The following PCDH7 variants were observed in gnomAD, a reference collection of about 807,000 sequenced individuals.
The protein encoded by PCDH7 is protocadherin 7.
In PCDH7, 17 loss-of-function variants were observed where a neutral mutation model predicts 58.9. The ratio of observed to expected loss-of-function variants is 0.29; its 90% confidence interval spans 0.20 to 0.43. PCDH7 has a LOEUF of 0.43. PCDH7 is among the 20% of genes least tolerant of loss of function. The probability of loss-of-function intolerance (pLI) is 1.00; values close to 1 mark genes in which losing one functional copy is unlikely to be tolerated. For missense variants in PCDH7, 1,274 were observed against 1,441.0 expected, an observed-to-expected ratio of 0.88 and a Z score of 1.88; for synonymous variants, 664 against 616.4, an observed-to-expected ratio of 1.08 and a Z score of -1.14.
At chr4:31,138,665 T>C (rs1719900163) in intron 3 of PCDH7, among the ~76,000 whole-genome samples, 1 of 152,192 alleles carries the variant, frequency 6.6e-6, no homozygotes, top group Non-Finnish European at 1.5e-5. Context: ...TCATGTGTTA[T>C]GAATTGTTCT....
chr4:31,025,565 T>A (rs1421780440), intron 3 of PCDH7, among the ~76,000 whole-genome samples: 1 of 152,236 alleles, frequency 6.6e-6, no homozygotes, highest in African/African-American at 2.4e-5. Context: ...ATTTTCTAAT[T>A]ATCATAGGTA....
intron 3 of PCDH7, among the ~76,000 whole-genome samples, chr4:31,097,638 A>ATATATATATC (rs370034723): frequency 6.3e-5 from 5 of 79,246 alleles, no homozygotes; most frequent in Admixed American, 1.3e-4. Flanking sequence ...ATATATATAT[A>ATATATATATC]AATCTTTTTT....
chr4:30,779,114 G>A (rs573846465), intron 1 of PCDH7, among the ~76,000 whole-genome samples: 3 of 143,954 alleles, frequency 2.1e-5, no homozygotes, highest in African/African-American at 5.2e-5. Flanking sequence ...TTTGCCTCCC[G>A]GGTTGAAGCG....
chr4:31,122,535 G>A (rs190846283), intron 3 of PCDH7, among the ~76,000 whole-genome samples: 1 of 151,888 alleles, frequency 6.6e-6, no homozygotes, highest in African/African-American at 2.4e-5. Context: ...CTTTTTGAAG[G>A]TTATTTAATG....
At chr4:30,832,256 C>T (rs1394402990) in intron 1 of PCDH7, among the ~76,000 whole-genome samples, 1 of 152,150 alleles carries the variant, frequency 6.6e-6, no homozygotes, top group Non-Finnish European at 1.5e-5. Flanking sequence ...TTTTGTCTCA[C>T]TTATCCATTC....
intron 3 of PCDH7, among the ~76,000 whole-genome samples, chr4:31,027,415 T>C (rs1231737538): frequency 1.3e-5 from 2 of 152,114 alleles, no homozygotes; most frequent in African/African-American, 4.8e-5. Context: ...TGTATGTTAT[T>C]ATATTTTATT....
At chr4:30,861,675 T>C (rs1734218111) in intron 1 of PCDH7, among the ~76,000 whole-genome samples, 1 of 152,176 alleles carries the variant, frequency 6.6e-6, no homozygotes, top group Non-Finnish European at 1.5e-5. Context: ...AATGTTTTCT[T>C]AGGAAGCTTT....
At chr4:30,767,661 A>G (rs569518208) in intron 1 of PCDH7, among the ~76,000 whole-genome samples, 2 of 152,350 alleles carry the variant, frequency 1.3e-5, no homozygotes, top group East Asian at 1.9e-4. Flanking sequence ...GCCAACAGTC[A>G]GGAAACTCTT....
At chr4:30,915,741 C>T (rs558541388) in intron 1 of PCDH7, among the ~76,000 whole-genome samples, 101 of 152,160 alleles carry the variant, frequency 6.6e-4, no homozygotes, top group Non-Finnish European at 1.0e-3. Context: ...CCAGGATGGT[C>T]TCAATCTCTT....
downstream of PCDH7, among the ~76,000 whole-genome samples, chr4:30,734,790 T>C (rs1477194029): frequency 2.0e-5 from 3 of 152,156 alleles, no homozygotes; most frequent in East Asian, 3.9e-4. Flanking sequence ...CTAGGCTTTG[T>C]TGCTAGGTAG....
intron 3 of PCDH7, chr4:30,987,658 A>C (rs1245721928): frequency 6.6e-6 from 1 of 152,152 alleles, no homozygotes; most frequent in Non-Finnish European, 1.5e-5. Context: ...TCTCCAAAAA[A>C]AATCAGTTTT....
chr4:30,769,446 T>G (rs988596933), intron 1 of PCDH7, among the ~76,000 whole-genome samples: 4 of 152,224 alleles, frequency 2.6e-5, no homozygotes, highest in Non-Finnish European at 5.9e-5. Flanking sequence ...ATTTATCCGA[T>G]AAGCCTCAAT....
chr4:31,018,329 G>C (rs1057074030), intron 3 of PCDH7, among the ~76,000 whole-genome samples: 2 of 152,132 alleles, frequency 1.3e-5, no homozygotes, highest in African/African-American at 4.8e-5. Context: ...CACGATGTTT[G>C]AACCTAGTCA....
intron 1 of PCDH7, among the ~76,000 whole-genome samples, chr4:30,753,181 A>G (rs910476220): frequency 1.3e-5 from 2 of 152,206 alleles, no homozygotes; most frequent in Non-Finnish European, 2.9e-5. Flanking sequence ...CCTATGAAAG[A>G]CAAGGTCAGA....
chr4:30,951,067 G>C (rs1273210517), intron 3 of PCDH7, among the ~76,000 whole-genome samples: 10 of 152,122 alleles, frequency 6.6e-5, no homozygotes, highest in Non-Finnish European at 1.5e-4. Flanking sequence ...ACTCTCTCAG[G>C]TTCTTTGAGA....
chr4:30,930,766 T>C (rs1560511129), intron 2 of PCDH7, among the ~76,000 whole-genome samples: 1 of 148,546 alleles, frequency 6.7e-6, no homozygotes, highest in Admixed American at 6.7e-5. Context: ...ACCCTGTCTC[T>C]GCAAAAAAAA....
chr4:31,046,665 A>T (rs1008476140), intron 3 of PCDH7, among the ~76,000 whole-genome samples: 14 of 152,170 alleles, frequency 9.2e-5, no homozygotes, highest in African/African-American at 3.4e-4. Context: ...TTTTACAGAA[A>T]TTCTCTTCTA....
intron 3 of PCDH7, among the ~76,000 whole-genome samples, chr4:30,985,849 T>G (rs994592783): frequency 6.6e-6 from 1 of 152,204 alleles, no homozygotes; most frequent in Non-Finnish European, 1.5e-5. Flanking sequence ...GGGTTTGAGC[T>G]AGATAATTTT....
chr4:30,997,391 T>A (rs1448159872), intron 3 of PCDH7, among the ~76,000 whole-genome samples: 1 of 152,180 alleles, frequency 6.6e-6, no homozygotes, highest in South Asian at 2.1e-4. Flanking sequence ...TTTAAAATGC[T>A]TTTAGGATTG....
Sources: gnomAD v4.1 joint callset for allele counts (sites outside exome capture counted in the v4.1 genomes callset) on GRCh38, gnomAD v4.1.1 for gene constraint, MANE v1.5 for transcripts, NCBI Gene and HGNC (gene_info 2026-07-23, HGNC 2026-07-21) for gene names.